The following SLC8A3 variants were observed in gnomAD, a reference collection of about 807,000 sequenced individuals.
The protein encoded by SLC8A3 is sodium/calcium exchanger 3.
In SLC8A3, 37 loss-of-function variants were observed where a neutral mutation model predicts 65.4. The ratio of observed to expected loss-of-function variants is 0.57; its 90% CI spans 0.44 to 0.74. The LOEUF (loss-of-function observed/expected upper bound fraction) is 0.74, where lower values mean the gene tolerates loss of function less well. Ranked by LOEUF, SLC8A3 falls within the 30% of genes least tolerant of loss-of-function variation. The pLI, the probability that SLC8A3 is intolerant of heterozygous loss-of-function variation, is 0.00. For missense variants in SLC8A3, 1,112 were observed against 1,172.1 expected (o/e 0.95, Z 0.75); for synonymous variants, 461 against 444.5 (o/e 1.04, Z -0.47).
chr14:70,084,025 T>C (rs1159838990), intron 2 of SLC8A3, among the ~76,000 whole-genome samples: 3 of 152,200 alleles, frequency 2.0e-5, no homozygotes, highest in African/African-American at 4.8e-5. Context: ...CTGAATAACA[T>C]TGGGAAAAGC....
chr14:70,065,327 C>T (rs1312115038), intron 2 of SLC8A3, among the ~76,000 whole-genome samples: 1 of 152,152 alleles, frequency 6.6e-6, no homozygotes, highest in Admixed American at 6.5e-5. Context: ...GTGAATGCAA[C>T]AGCAGTTACC....
At chr14:70,110,306 C>G (rs1029522796) in intron 2 of SLC8A3, among the ~76,000 whole-genome samples, 1 of 152,010 alleles carries the variant, frequency 6.6e-6, no homozygotes, top group Admixed American at 6.5e-5. Context: ...TGTTTTTGTA[C>G]CAGTTAACCA....
intron 2 of SLC8A3, among the ~76,000 whole-genome samples, chr14:70,140,417 C>T (rs560570823): frequency 2.6e-4 from 39 of 152,274 alleles, no homozygotes; most frequent in Admixed American, 5.2e-4. Context: ...CCAAAAGCCA[C>T]ACAAGAAGGG....
chr14:70,094,107 G>C (rs1462126309), intron 2 of SLC8A3, among the ~76,000 whole-genome samples: 1 of 152,218 alleles, frequency 6.6e-6, no homozygotes, highest in African/African-American at 2.4e-5. Context: ...TGCATAAGTA[G>C]CTTCCAGCAG....
rs967258836 is a variant in SLC8A3, at chr14:70,110,235, G to A, written c.1785-49296C>T. ...AAGTTTTTTAAAAATGTACAGCTAC[G>A]TTATTATTTACTATAGTCACCCTGA... On this transcript the variant is annotated intron_variant, in intron 2 of 6. Coordinates refer to ENST00000356921, the MANE Select transcript of SLC8A3 (RefSeq NM_182932.3). Among the ~76,000 whole-genome samples the A allele has an allele frequency of 1.1e-3, 166 of 152,144 alleles. 1 individual carries two copies. The highest frequency in any genetic ancestry group is 3.2e-3 in the African/African-American group (132 of 41,498).
In SLC8A3 at chr14:70,119,190, T is replaced by TC. The variant is rs1277170807; in HGVS notation, c.1784+47448_1784+47449insG. 2.9e-3 allele frequency among the ~76,000 whole-genome samples: 8 copies of TC among 2,712 alleles called. No individual in the cohort carries two copies. In the East Asian group the frequency reaches 0.38, roughly 127 times the overall value. The allele number at this position is 2,712 out of a possible 152,430, so 1.8% of individuals were successfully genotyped here. A position where few individuals can be genotyped will look rare whatever the true frequency, so the allele number is the denominator to read the frequency against. ...GCATTTGGGGCAAAGAAGCACTCTT[T>TC]TCCCCCCACCCTGGTGGCAAAAGTA... is the stretch of plus-strand genomic sequence containing the variant. On this transcript the variant is annotated intron_variant, in intron 2 of 6. Transcript: ENST00000356921.
chr14:70,103,763 G>C (rs12435324), intron 2 of SLC8A3, among the ~76,000 whole-genome samples: 10,689 of 152,022 alleles, frequency 0.07, 933 homozygotes, highest in East Asian at 0.43. Flanking sequence ...TGGGAGATGT[G>C]ACAAATAACA....
chr14:70,122,989 G>A (rs940300711), intron 2 of SLC8A3, among the ~76,000 whole-genome samples: 13 of 149,910 alleles, frequency 8.7e-5, no homozygotes, highest in African/African-American at 1.5e-4. Context: ...GGAGAATGGC[G>A]TGAACCCAGG....
chr14:70,062,933 C>G (rs1233449566), intron 2 of SLC8A3, among the ~76,000 whole-genome samples: 2 of 152,166 alleles, frequency 1.3e-5, no homozygotes, highest in African/African-American at 4.8e-5. Flanking sequence ...GGGGAAGGAA[C>G]ATTGCCCTCA....
intron 2 of SLC8A3, among the ~76,000 whole-genome samples, chr14:70,151,260 A>G (rs1466255136): frequency 2.5e-5 from 3 of 119,532 alleles, no homozygotes; most frequent in Non-Finnish European, 5.2e-5. Context: ...CCTCAAAAAA[A>G]GAAAAAAAAA....
chr14:70,059,345 A>G (rs1174366515), intron 3 of SLC8A3: 1 of 152,232 alleles, frequency 6.6e-6, no homozygotes, highest in African/African-American at 2.4e-5. Context: ...TCTTTGTCAC[A>G]TGAATATGAA....
intron 5 of SLC8A3, among the ~76,000 whole-genome samples, chr14:70,049,826 G>C (rs941707935): frequency 9.9e-5 from 15 of 152,186 alleles, no homozygotes; most frequent in African/African-American, 2.2e-4. Flanking sequence ...TCCAGATCAC[G>C]AGAATATACT....
chr14:70,051,493 G>C (rs1028291353), intron 4 of SLC8A3, among the ~76,000 whole-genome samples: 1 of 152,064 alleles, frequency 6.6e-6, no homozygotes, highest in Non-Finnish European at 1.5e-5. Context: ...TAGAGATGGA[G>C]TCTCCCTATG....
chr14:70,171,235 T>C (rs1332468967), intron 1 of SLC8A3, among the ~76,000 whole-genome samples: 1 of 152,006 alleles, frequency 6.6e-6, no homozygotes, highest in East Asian at 1.9e-4. Context: ...TGAGTATCCA[T>C]GGGGGAGAGA....
At chr14:70,081,597 G>C (rs915755297) in intron 2 of SLC8A3, among the ~76,000 whole-genome samples, 3 of 152,186 alleles carry the variant, frequency 2.0e-5, no homozygotes, top group African/African-American at 7.2e-5. Context: ...TCCAGGTGAG[G>C]CCACAGCCAT....
intron 1 of SLC8A3, among the ~76,000 whole-genome samples, chr14:70,172,741 T>C (rs1358981193): frequency 5.3e-5 from 8 of 150,910 alleles, no homozygotes; most frequent in Admixed American, 5.3e-4. Flanking sequence ...AGCAGAAGTA[T>C]ACAGATGTAC....
At chr14:70,055,952 G>T (rs2139775126) in intron 3 of SLC8A3, 1 of 693,710 alleles carries the variant, frequency 1.4e-6, no homozygotes, top group Non-Finnish European at 2.4e-6. Flanking sequence ...GAGCTCAGCA[G>T]CCATACGCAA....
chr14:70,107,601 C>T (rs1370598912), intron 2 of SLC8A3, among the ~76,000 whole-genome samples: 1 of 152,104 alleles, frequency 6.6e-6, no homozygotes, highest in East Asian at 1.9e-4. Flanking sequence ...CAGTGGGGTC[C>T]TAACACAATC....
At chr14:70,160,858 T>C (rs189871947) in intron 2 of SLC8A3, among the ~76,000 whole-genome samples, 66 of 134,922 alleles carry the variant, frequency 4.9e-4, no homozygotes, top group African/African-American at 1.8e-3. Flanking sequence ...ACAGTCTCAG[T>C]AATTAAGAAG....
Sources: gnomAD v4.1 joint callset for allele counts (sites outside exome capture counted in the v4.1 genomes callset) on GRCh38, gnomAD v4.1.1 for gene constraint, MANE v1.5 for transcripts, NCBI Gene and HGNC (gene_info 2026-07-23, HGNC 2026-07-21) for gene names.